The following POU2F1 variants were observed in gnomAD, a reference collection of about 807,000 sequenced individuals.
POU2F1 encodes the protein POU domain, class 2, transcription factor 1.
In POU2F1, 16 loss-of-function variants were observed where a neutral mutation model predicts 84.9. The observed-to-expected ratio is 0.19, with a 90% CI of 0.13 to 0.29. POU2F1 has a LOEUF of 0.29. Among genes scored for constraint, POU2F1 ranks in the 10% least tolerant of loss-of-function variants. The pLI, the probability that POU2F1 is intolerant of heterozygous loss-of-function variation, is 1.00. For synonymous variants in POU2F1, 368 were observed against 368.3 expected, an observed-to-expected ratio of 1.00 and a Z score of 0.01; for missense variants, 738 against 942.6, an observed-to-expected ratio of 0.78 and a Z score of 2.84.
intron 1 of POU2F1, among the ~76,000 whole-genome samples, chr1:167,261,297 G>A (rs1651552340): frequency 6.6e-6 from 1 of 152,100 alleles, no homozygotes; most frequent in Non-Finnish European, 1.5e-5. Flanking sequence ...ACTCATGAAA[G>A]GAAAGATGCA....
At chr1:167,368,263 A>G (rs2101836851) in intron 3 of POU2F1, among the ~76,000 whole-genome samples, 1 of 152,068 alleles carries the variant, frequency 6.6e-6, no homozygotes, top group South Asian at 2.1e-4. Flanking sequence ...TAACTTGAAT[A>G]TGATTGTTCC....
chr1:167,274,744 A>G (rs1316021140), intron 1 of POU2F1, among the ~76,000 whole-genome samples: 3 of 152,194 alleles, frequency 2.0e-5, no homozygotes, highest in East Asian at 1.9e-4. Flanking sequence ...ATTTGTTCAT[A>G]TATTCAGTTT....
chr1:167,305,563 G>A (rs1008354254), intron 1 of POU2F1, among the ~76,000 whole-genome samples: 8 of 152,092 alleles, frequency 5.3e-5, no homozygotes, highest in Admixed American at 2.0e-4. Context: ...TTCCTGGTAC[G>A]GTGTGGAGAT....
chr1:167,352,544 A>T (rs1476999080), intron 2 of POU2F1, among the ~76,000 whole-genome samples: 3 of 152,208 alleles, frequency 2.0e-5, no homozygotes, highest in Non-Finnish European at 4.4e-5. Flanking sequence ...GTGCTAGACA[A>T]ATCGGTGGAA....
At chr1:167,231,681 G>A (rs1374343248) in intron 1 of POU2F1, among the ~76,000 whole-genome samples, 1 of 152,088 alleles carries the variant, frequency 6.6e-6, no homozygotes, top group Non-Finnish European at 1.5e-5. Context: ...GGTCAGTTGG[G>A]GAAATCATAT....
intron 13 of POU2F1, among the ~76,000 whole-genome samples, chr1:167,411,668 A>G (rs1649977236): frequency 6.6e-6 from 1 of 152,194 alleles, no homozygotes; most frequent in Admixed American, 6.5e-5. Flanking sequence ...GTTGTATTCC[A>G]TAATTAGAGC....
At chr1:167,275,880 C>T (rs1442132061) in intron 1 of POU2F1, among the ~76,000 whole-genome samples, 1 of 152,054 alleles carries the variant, frequency 6.6e-6, no homozygotes, top group African/African-American at 2.4e-5. Flanking sequence ...ATATCTTGTG[C>T]CCTGGAAATA....
At chr1:167,352,761 G>A (rs187378767) in intron 2 of POU2F1, among the ~76,000 whole-genome samples, 87 of 152,250 alleles carry the variant, frequency 5.7e-4, no homozygotes, top group African/African-American at 1.9e-3. Flanking sequence ...CTTTTACTTA[G>A]TATAGCGGGC....
At chr1:167,273,833 T>C (rs1382369777) in intron 1 of POU2F1, among the ~76,000 whole-genome samples, 1 of 152,146 alleles carries the variant, frequency 6.6e-6, no homozygotes, top group African/African-American at 2.4e-5. Context: ...TTGCTTAAGA[T>C]AGAAAAATAA....
chr1:167,396,487 A>T, intron 10 of POU2F1, 60 bp downstream of exon 10: 1 of 1,539,974 alleles, frequency 6.5e-7, no homozygotes, highest in Admixed American at 1.7e-5. Context: ...GGGGATTGTT[A>T]TATAAATTGG....
intron 1 of POU2F1, among the ~76,000 whole-genome samples, chr1:167,262,759 A>G (rs546594164): frequency 1.4e-4 from 21 of 152,248 alleles, no homozygotes; most frequent in Middle Eastern, 3.4e-3. Context: ...TAAAGAAGGT[A>G]GGATTTTGAC....
chr1:167,277,826 A>AC (rs1397657553), intron 1 of POU2F1, among the ~76,000 whole-genome samples: 16 of 152,068 alleles, frequency 1.1e-4, no homozygotes, highest in African/African-American at 3.9e-4. Context: ...AATTCCTAAT[A>AC]CCCCCTCTCC....
chr1:167,369,797 T>C (rs181520897), intron 3 of POU2F1, among the ~76,000 whole-genome samples: 3 of 151,260 alleles, frequency 2.0e-5, no homozygotes, highest in African/African-American at 7.4e-5. Flanking sequence ...AGATAGCTTA[T>C]ATGTTCTTTA....
chr1:167,411,101 G>A (rs558842482), intron 13 of POU2F1, among the ~76,000 whole-genome samples: 41 of 150,742 alleles, frequency 2.7e-4, no homozygotes, highest in Admixed American at 2.2e-3. Flanking sequence ...GTGCAGTGGC[G>A]CAATCTTGGC....
intron 1 of POU2F1, among the ~76,000 whole-genome samples, chr1:167,275,651 A>T (rs930822684): frequency 5.3e-5 from 8 of 152,110 alleles, no homozygotes; most frequent in Middle Eastern, 3.4e-3. Flanking sequence ...TAGGGCAAGG[A>T]AAAAAAAGAC....
At chr1:167,369,999 G>A (rs989280236) in intron 3 of POU2F1, among the ~76,000 whole-genome samples, 162 bp from the exon 4 acceptor site, 2 of 152,178 alleles carry the variant, frequency 1.3e-5, no homozygotes, top group African/African-American at 4.8e-5. Context: ...GGTGGGTTGA[G>A]AAGGGACTGA....
intron 13 of POU2F1, 99 bp from the exon 14 acceptor site, chr1:167,411,860 G>T: frequency 1.8e-6 from 2 of 1,116,484 alleles, no homozygotes; most frequent in Admixed American, 2.6e-5. Flanking sequence ...TAGGTGGTAG[G>T]TTAATTATTC....
At chr1:167,227,345 C>T (rs1008117702) in intron 1 of POU2F1, among the ~76,000 whole-genome samples, 5 of 152,036 alleles carry the variant, frequency 3.3e-5, no homozygotes, top group Admixed American at 3.3e-4. Flanking sequence ...ATTATTATGG[C>T]AGGTTTCCCC....
chr1:167,361,025 C>T (rs1659321298), intron 2 of POU2F1, among the ~76,000 whole-genome samples: 2 of 151,822 alleles, frequency 1.3e-5, no homozygotes, highest in African/African-American at 4.8e-5. Context: ...TCAACTTGAA[C>T]GTTATTCATG....
Sources: gnomAD v4.1 joint callset for allele counts (sites outside exome capture counted in the v4.1 genomes callset) on GRCh38, gnomAD v4.1.1 for gene constraint, MANE v1.5 for transcripts, NCBI Gene and HGNC (gene_info 2026-07-23, HGNC 2026-07-21) for gene names.